The following SH2D2A variants were observed in gnomAD, a reference collection of about 807,000 sequenced individuals.
The protein encoded by SH2D2A is SH2 domain-containing protein 2A.
A neutral mutation model predicts 43.6 loss-of-function variants in SH2D2A; 33 were observed. The ratio of observed to expected loss-of-function variants is 0.76; its 90% CI spans 0.57 to 1.01. The LOEUF is 1.01. Ranked by LOEUF, SH2D2A falls within the 50% of genes least tolerant of loss-of-function variation. SH2D2A has a pLI of 0.00. For missense variants in SH2D2A, 491 were observed against 503.1 expected (o/e 0.98, Z 0.23); for synonymous variants, 212 against 206.1 (o/e 1.03, Z -0.25).
In SH2D2A at chr1:156,815,406, G is replaced by C. The variant is rs186707624; in HGVS notation, c.124-185C>G. ...CCCTTCTTCAGCTCCAGCTGTTCTG[G>C]CTTCCAGAGACTCTCCTTCCTTTGC... On this transcript the variant is annotated intron_variant, in intron 2 of 8. Coordinates refer to ENST00000368199, the MANE Select transcript of SH2D2A (RefSeq NM_003975.4). The C allele has an allele frequency of 5.2e-6, 3 of 579,462 alleles. No homozygotes were observed. In the East Asian group the frequency reaches 8.6e-5, roughly 17 times the overall value. 35.9% of individuals were successfully genotyped at this position (579,462 alleles called of 1,614,324 possible).
At chr1:156,810,741 C>T (rs879796381) in intron 5 of SH2D2A, among the ~76,000 whole-genome samples, 8 of 152,132 alleles carry the variant, frequency 5.3e-5, no homozygotes, top group Non-Finnish European at 8.8e-5. Context: ...AGGCTGGTCT[C>T]GAAATCCTGA....
At chr1:156,813,531 G>A (rs1443786244) in intron 5 of SH2D2A, among the ~76,000 whole-genome samples, 1 of 152,150 alleles carries the variant, frequency 6.6e-6, no homozygotes, top group Non-Finnish European at 1.5e-5. Context: ...GCGCGACAGA[G>A]CGAGACTCTG....
chr1:156,816,530 G>T, intron 1 of SH2D2A, 145 bp downstream of exon 1: 1 of 686,054 alleles, frequency 1.5e-6, no homozygotes, highest in African/African-American at 1.8e-5. Flanking sequence ...GCAGGGTTGT[G>T]GTCACCCTGC....
At chr1:156,808,344 G>C (rs1015174957) in intron 7 of SH2D2A, among the ~76,000 whole-genome samples, 1 of 152,198 alleles carries the variant, frequency 6.6e-6, no homozygotes, top group Non-Finnish European at 1.5e-5. Flanking sequence ...GCAAGGGTGA[G>C]AGCGCTGTTG....
rs547402462 is a variant in SH2D2A, at chr1:156,806,499, ATCT to A, written c.*75_*77del. The A allele has an allele frequency of 4.7e-3, 715 of 152,638 alleles. 1 individual carries two copies. Among genetic ancestry groups the A allele is most frequent in the Middle Eastern group, 0.017 (5 of 296 alleles). The allele number at this position is 152,638 out of a possible 1,614,324, so 9.5% of individuals were successfully genotyped here. A position where few individuals can be genotyped will look rare whatever the true frequency, so the allele number is the denominator to read the frequency against. On this transcript the variant is annotated 3_prime_UTR_variant, in exon 9 of 9. Coordinates refer to ENST00000368199, the MANE Select transcript of SH2D2A (RefSeq NM_003975.4). ...AGGACTGAGCCATTGGATTCTTGGGATCTTCTTAGGAGGGAGCAGGCTCCGCAT... is the reference window on the plus strand; with the variant it reads ...AGGACTGAGCCATTGGATTCTTGGGATCTTAGGAGGGAGCAGGCTCCGCAT...
chr1:156,806,460 GT>G lies in SH2D2A; in HGVS notation c.*116del, dbSNP rs1652974963. 1 of 152,438 alleles carries G rather than the reference GT, an allele frequency of 6.6e-6. No individual in the cohort carries two copies. Among genetic ancestry groups the G allele is most frequent in the African/African-American group, 2.4e-5 (1 of 41,450 alleles). The allele number at this position is 152,438 out of a possible 1,614,324, so 9.4% of individuals were successfully genotyped here. ...GGCCCTCCTTGCACACTTCTTTGCTGTCTTAGATCACCAAGGACTGAGCCAT... is the reference window on the plus strand; with the variant it reads ...GGCCCTCCTTGCACACTTCTTTGCTGCTTAGATCACCAAGGACTGAGCCAT... On this transcript the variant is annotated 3_prime_UTR_variant, in exon 9 of 9. Coordinates refer to ENST00000368199, the MANE Select transcript of SH2D2A (RefSeq NM_003975.4).
Position 156,809,465 on chromosome 1 carries a change from G to A in SH2D2A, c.740C>T (p.Pro247Leu). The change falls in exon 7 of 9, where the codon CCT (proline) becomes CTT (leucine). Residue 247 changes from proline (P) to leucine (L), a missense_variant. By Grantham distance (98) the Pro-to-Leu change is moderately conservative (BLOSUM62 -3). Transcript: ENST00000368199. This position sits in a 1 kb window ranked among gnomAD's most constrained non-coding sequence, Gnocchi z 4.8. ...CAGCTGAGGTTTGGCGGGGATGGGAGGCTTGGGCCTGAGCAGCTGGGAGGG... is the reference window on the plus strand; with the variant it reads ...CAGCTGAGGTTTGGCGGGGATGGGAAGCTTGGGCCTGAGCAGCTGGGAGGG... ...KEPSQLLRPK[P>L]PIPAKPQLPP... 6.2e-7 allele frequency: 1 copy of A among 1,609,136 alleles called. No individual in the cohort carries two copies. The highest frequency in any genetic ancestry group is 8.5e-7 in the Non-Finnish European group (1 of 1,178,166).
intron 5 of SH2D2A, among the ~76,000 whole-genome samples, chr1:156,811,632 G>A (rs1653427351): frequency 6.6e-6 from 1 of 152,132 alleles, no homozygotes; most frequent in South Asian, 2.1e-4. Flanking sequence ...AACTCTTCTT[G>A]TCTAGGTCAC....
rs1653666069 is a variant in SH2D2A at position 156,814,235 on chromosome 1, T to A, written c.368A>T (p.Glu123Val). 8.1e-6 allele frequency: 13 copies of A among 1,613,932 alleles called. No individual in the cohort carries two copies. The East Asian group carries it at 2.9e-4, about 36-fold the overall frequency. The change falls in exon 4 of 9, where the codon GAG (glutamate) becomes GTG (valine). Residue 123 changes from glutamate to valine, a missense_variant. Glu to Val is a moderately radical substitution (Grantham distance 121, BLOSUM62 -2). Coordinates refer to ENST00000368199, the MANE Select transcript of SH2D2A (RefSeq NM_003975.4). Reference sequence around the variant, plus strand: ...AGTCAGCACGAAGGTCACCGCGCTCTCGCTGAACCGCACCAAGTAGCACCC... The same window carrying A: ...AGTCAGCACGAAGGTCACCGCGCTCACGCTGAACCGCACCAAGTAGCACCC... ...PQGCYLVRFS[E>V]SAVTFVLTYR...
In SH2D2A at chr1:156,808,347, C is replaced by T. The variant is rs1300422805; in HGVS notation, c.1002+856G>A. 7.9e-5 allele frequency among the ~76,000 whole-genome samples: 12 copies of T among 152,118 alleles called. No homozygotes were observed. The East Asian group carries it at 1.2e-3, about 15-fold the overall frequency. On this transcript the variant is annotated intron_variant, in intron 7 of 8. Coordinates refer to ENST00000368199, the MANE Select transcript of SH2D2A (RefSeq NM_003975.4). ...GCTGTTTGGAGGGCAAGGGTGAGAG[C>T]GCTGTTGGCCGTGTTGAGTTTGAGG...
Position 156,809,953 on chromosome 1 carries a change from G to T in SH2D2A, c.568-146C>A. On this transcript the variant is annotated intron_variant, in intron 5 of 8. Coordinates refer to ENST00000368199, the MANE Select transcript of SH2D2A (RefSeq NM_003975.4). The surrounding 1 kb of genome is among the most constrained non-coding windows in gnomAD (Gnocchi z 4.8). ...TTGGCCTGGGCTGGGTTCCCTGGAT[G>T]AGGAAGAGGGGGTGGTGACGGCAGG... 2.5e-6 allele frequency: 2 copies of T among 786,688 alleles called. No homozygotes were observed. Among genetic ancestry groups the T allele is most frequent in the Non-Finnish European group, 4.1e-6 (2 of 484,282 alleles). 48.7% of individuals were successfully genotyped at this position (786,688 alleles called of 1,614,324 possible).
At position 156,816,757 on chromosome 1, in the gene SH2D2A, C is replaced by T. The variant is rs375906323; in HGVS notation, c.-49G>A. On this transcript the variant is annotated 5_prime_UTR_variant, in exon 1 of 9. Transcript: ENST00000368199. ...CAGAGCAGGGTGTGTGTATGTGTTC[C>T]GGAAAGGTGTGCACACTCAGCAACT... 49 of 1,532,914 alleles carry T rather than the reference C, an allele frequency of 3.2e-5. No individual in the cohort carries two copies. Among genetic ancestry groups the T allele is most frequent in the East Asian group, 9.8e-5 (4 of 40,748 alleles). The allele number at this position is 1,532,914 out of a possible 1,614,324, so 95.0% of individuals were successfully genotyped here. A position where few individuals can be genotyped will look rare whatever the true frequency, so the allele number is the denominator to read the frequency against.
chr1:156,815,060 C>G lies in SH2D2A; in HGVS notation c.285G>C (p.Trp95Cys), dbSNP rs768430706. 1 of 1,576,266 alleles carries G rather than the reference C, an allele frequency of 6.3e-7. No individual in the cohort carries two copies. Among genetic ancestry groups the G allele is most frequent in the African/African-American group, 1.4e-5 (1 of 73,096 alleles). The change falls in exon 3 of 9, where the codon TGG becomes TGC. Residue 95 changes from tryptophan to cysteine, a missense_variant. Trp to Cys is a radical substitution (Grantham distance 215). Transcript: ENST00000368199. ...ACCTCCGGGTGATGAAGCCATGGAA[C>G]CAGGCAGGGGCTGCCCCGTGCTGCA... Reference protein sequence around the residue: ...WLLQHGAAPAWFHGFITRREA... With the variant: ...WLLQHGAAPACFHGFITRREA...
Position 156,807,396 on chromosome 1 carries a change from A to T in SH2D2A, c.1003-51T>A. On this transcript the variant is annotated intron_variant, in intron 7 of 8. Coordinates refer to ENST00000368199, the MANE Select transcript of SH2D2A (RefSeq NM_003975.4). This position sits in a 1 kb window ranked among gnomAD's most constrained non-coding sequence, Gnocchi z 5.1. ...TCACACCCTCTACCCTCTGCCTCCT[A>T]GGTGTACTTGCAGTCTCAAGACATC... is the stretch of plus-strand genomic sequence containing the variant. 1.3e-5 allele frequency: 18 copies of T among 1,423,412 alleles called. No individual in the cohort carries two copies. The highest frequency in any genetic ancestry group is 1.6e-5 in the Non-Finnish European group (17 of 1,081,824). 88.2% of individuals were successfully genotyped at this position (1,423,412 alleles called of 1,614,324 possible). A position where few individuals can be genotyped will look rare whatever the true frequency, so the allele number is the denominator to read the frequency against.
intron 2 of SH2D2A, 178 bp downstream of exon 2, chr1:156,815,828 G>A (rs1255767837): frequency 1.7e-5 from 27 of 1,614,136 alleles, no homozygotes; most frequent in East Asian, 2.2e-5. Flanking sequence ...GCAACTCGGC[G>A]CATGAAGGAG....
In SH2D2A at chr1:156,814,252, G is replaced by A; in HGVS notation, c.351C>T (p.Tyr117=). The change falls in exon 4 of 9, where the codon TAC becomes TAT. Residue 117 remains tyrosine (Y), a synonymous_variant. Coordinates refer to ENST00000368199, the MANE Select transcript of SH2D2A (RefSeq NM_003975.4). ...RLLEPKPQGC[Y]LVRFSESAVT... is the part of the protein sequence containing the mutation. ...CCGCGCTCTCGCTGAACCGCACCAAGTAGCACCCCTGAGGCTTGGGCTCCA... is the reference window on the plus strand; with the variant it reads ...CCGCGCTCTCGCTGAACCGCACCAAATAGCACCCCTGAGGCTTGGGCTCCA... The A allele has an allele frequency of 6.2e-7, 1 of 1,614,024 alleles. No individual in the cohort carries two copies. The highest frequency in any genetic ancestry group is 8.5e-7 in the Non-Finnish European group (1 of 1,179,986).
In SH2D2A at chr1:156,816,765, T is replaced by C; in HGVS notation, c.-57A>G. On this transcript the variant is annotated 5_prime_UTR_variant, in exon 1 of 9. Transcript: ENST00000368199. ...GGTGTGTGTATGTGTTCCGGAAAGG[T>C]GTGCACACTCAGCAACTCATCATCT... is the stretch of plus-strand genomic sequence containing the variant. The C allele has an allele frequency of 2.0e-6, 3 of 1,487,454 alleles. No homozygotes were observed. The highest frequency in any genetic ancestry group is 2.7e-6 in the Non-Finnish European group (3 of 1,108,148). 92.1% of individuals were successfully genotyped at this position (1,487,454 alleles called of 1,614,324 possible). A position where few individuals can be genotyped will look rare whatever the true frequency, so the allele number is the denominator to read the frequency against.
chr1:156,814,123 C>T, intron 4 of SH2D2A, 82 bp downstream of exon 4: 2 of 1,566,720 alleles, frequency 1.3e-6, no homozygotes, highest in Non-Finnish European at 1.7e-6. Context: ...GCTAAGAGCC[C>T]GGCTCCTCAC....
intron 3 of SH2D2A, chr1:156,814,784 G>C (rs1653732122): frequency 2.3e-6 from 1 of 433,726 alleles, no homozygotes; most frequent in Non-Finnish European, 4.1e-6. Flanking sequence ...AGGGACAGGA[G>C]GATAATGGGG....
Sources: allele counts gnomAD v4.1 joint callset (sites outside exome capture counted in the v4.1 genomes callset), GRCh38; gene constraint gnomAD v4.1.1; non-coding constraint Gnocchi (gnomAD v3.1); transcripts MANE v1.5; gene names NCBI Gene and HGNC (gene_info 2026-07-23, HGNC 2026-07-21).